The following SLCO3A1 variants were observed in gnomAD, a reference collection of about 807,000 sequenced individuals.
The protein encoded by SLCO3A1 is PGE1 transporter.
A neutral mutation model predicts 63.1 loss-of-function variants in SLCO3A1; 27 were observed. That is an observed-to-expected ratio of 0.43 (90% CI 0.32 to 0.59). SLCO3A1 has a LOEUF of 0.59. Ranked by LOEUF, SLCO3A1 falls within the 20% of genes least tolerant of loss-of-function variation. The pLI is 0.09. For missense variants in SLCO3A1, 773 were observed against 945.8 expected (o/e 0.82, Z 2.40); for synonymous variants, 473 against 409.9 (o/e 1.15, Z -1.86).
At chr15:91,987,839 G>A (rs1271065941) in intron 2 of SLCO3A1, among the ~76,000 whole-genome samples, 1 of 151,884 alleles carries the variant, frequency 6.6e-6, no homozygotes, top group African/African-American at 2.4e-5. Context: ...AAGAAAAATA[G>A]CAGTTTTCCT....
At chr15:92,053,684 G>GTTTTTTTTTTT (rs1567092399) in intron 2 of SLCO3A1, among the ~76,000 whole-genome samples, 15 of 14,912 alleles carry the variant, frequency 1.0e-3, no homozygotes, top group Admixed American at 1.6e-3. Context: ...TTGTTTTTTT[G>GTTTTTTTTTTT]TTTGTTTGTT....
intron 7 of SLCO3A1, among the ~76,000 whole-genome samples, chr15:92,146,213 C>T (rs963228384): frequency 1.3e-5 from 2 of 152,214 alleles, no homozygotes; most frequent in African/African-American, 4.8e-5. Context: ...CTGCTCCTCC[C>T]TTTGCCATCA....
At chr15:92,011,616 G>C (rs1567065446) in intron 2 of SLCO3A1, among the ~76,000 whole-genome samples, 2 of 152,132 alleles carry the variant, frequency 1.3e-5, no homozygotes. Context: ...CTCATTCCTT[G>C]CTTTTTAACC....
intron 2 of SLCO3A1, among the ~76,000 whole-genome samples, chr15:92,094,010 G>T (rs1243345273): frequency 1.3e-5 from 2 of 152,164 alleles, no homozygotes; most frequent in Non-Finnish European, 1.5e-5. Context: ...CCACTTTCTG[G>T]ACTCTTATTT....
chr15:92,144,046 C>A (rs997401360), intron 7 of SLCO3A1, among the ~76,000 whole-genome samples: 2 of 152,216 alleles, frequency 1.3e-5, no homozygotes, highest in Non-Finnish European at 2.9e-5. Context: ...AGTGCTGGGA[C>A]AGGTCGGCGC....
intron 9 of SLCO3A1, among the ~76,000 whole-genome samples, chr15:92,161,242 C>T (rs2151603271): frequency 6.6e-6 from 1 of 152,312 alleles, no homozygotes; most frequent in East Asian, 1.9e-4. Flanking sequence ...ACTCATCTGT[C>T]ACTTTCCCAT....
At chr15:91,943,812 T>C (rs1273077153) in intron 2 of SLCO3A1, among the ~76,000 whole-genome samples, 1 of 152,160 alleles carries the variant, frequency 6.6e-6, no homozygotes, top group East Asian at 1.9e-4. Context: ...GATTTGGGCA[T>C]CGCTGGCTTC....
chr15:91,964,694 G>A (rs981115058), intron 2 of SLCO3A1, among the ~76,000 whole-genome samples: 1 of 151,996 alleles, frequency 6.6e-6, no homozygotes, highest in African/African-American at 2.4e-5. Flanking sequence ...GCAGTGTGTT[G>A]GGAAGAAGCA....
At chr15:91,943,556 A>G (rs1899695771) in intron 2 of SLCO3A1, among the ~76,000 whole-genome samples, 1 of 152,174 alleles carries the variant, frequency 6.6e-6, no homozygotes, top group East Asian at 1.9e-4. Context: ...TAGGTGTGCA[A>G]AATGTCTTTT....
At position 91,912,191 on chromosome 15, in the gene SLCO3A1, A is replaced by G. The variant is rs1415922690; in HGVS notation, c.181-3802A>G. On this transcript the variant is annotated intron_variant, in intron 1 of 9. Coordinates refer to ENST00000318445, the MANE Select transcript of SLCO3A1 (RefSeq NM_013272.4). The surrounding 1 kb of genome is among the most constrained non-coding windows in gnomAD (Gnocchi z 5.0). ...CATTCCCTTCCACATGCTCTTCCTC[A>G]GGCTGGGTTGTTCACTGCCACATAA... 2.6e-5 allele frequency among the ~76,000 whole-genome samples: 4 copies of G among 152,134 alleles called. No homozygotes were observed. Among genetic ancestry groups the G allele is most frequent in the Admixed American group, 1.3e-4 (2 of 15,266 alleles).
chr15:92,041,572 C>T (rs908294292), intron 2 of SLCO3A1, among the ~76,000 whole-genome samples: 5 of 152,128 alleles, frequency 3.3e-5, no homozygotes, highest in Non-Finnish European at 7.4e-5. Flanking sequence ...CTCTTCAACC[C>T]GTACATTTTA....
At chr15:92,109,970 C>T (rs988902883) in intron 4 of SLCO3A1, among the ~76,000 whole-genome samples, 5 of 152,048 alleles carry the variant, frequency 3.3e-5, no homozygotes, top group Non-Finnish European at 5.9e-5. Context: ...TGCTCTTTCC[C>T]GTTTCCTGTA....
Position 91,975,114 on chromosome 15 carries a change from T to C in SLCO3A1, c.646+58656T>C, listed in dbSNP as rs371514274. 4.9e-4 allele frequency among the ~76,000 whole-genome samples: 74 copies of C among 152,364 alleles called. No individual in the cohort carries two copies. In the South Asian group the frequency reaches 0.015, roughly 31 times the overall value. On this transcript the variant is annotated intron_variant, in intron 2 of 9. Coordinates refer to ENST00000318445, the MANE Select transcript of SLCO3A1 (RefSeq NM_013272.4). ...AGTGCCTGGAATGGTGCCTAGAATA[T>C]AGTAAATTCTCAGAGTTAACCAGTG... is the stretch of plus-strand genomic sequence containing the variant.
At position 92,162,784 on chromosome 15, in the gene SLCO3A1, G is replaced by A. The variant is rs776781799; in HGVS notation, c.1782G>A (p.Gly594=). The change falls in exon 10 of 10, where the codon GGG becomes GGA. Residue 594 remains glycine, a synonymous_variant. Transcript: ENST00000318445. The part of the protein sequence containing the change: ...LGFIPPPLIF[G]AGIDSTCLFW... Reference sequence around the variant, plus strand: ...TCATCCCTCCACCCCTCATCTTCGGGGCTGGCATCGACTCCACCTGCCTGT... The same window carrying A: ...TCATCCCTCCACCCCTCATCTTCGGAGCTGGCATCGACTCCACCTGCCTGT... 2.5e-6 allele frequency: 4 copies of A among 1,613,812 alleles called. No individual in the cohort carries two copies. The highest frequency in any genetic ancestry group is 1.3e-5 in the African/African-American group (1 of 75,016).
At position 91,996,829 on chromosome 15, in the gene SLCO3A1, T is replaced by C. The variant is rs191755870; in HGVS notation, c.646+80371T>C. Among the ~76,000 whole-genome samples, 67 of 152,278 alleles carry C rather than the reference T, an allele frequency of 4.4e-4. No homozygotes were observed. The East Asian group carries it at 6.2e-3, about 14-fold the overall frequency. ...CAGATCCCTACTGCATACCACAGTA[T>C]AAATATATCTAGATGGTTAACATCC... is the stretch of plus-strand genomic sequence containing the variant. On this transcript the variant is annotated intron_variant, in intron 2 of 9. Coordinates refer to ENST00000318445, the MANE Select transcript of SLCO3A1 (RefSeq NM_013272.4).
intron 2 of SLCO3A1, among the ~76,000 whole-genome samples, chr15:91,972,407 C>T (rs1201925654): frequency 1.3e-5 from 2 of 152,018 alleles, no homozygotes; most frequent in Non-Finnish European, 2.9e-5. Flanking sequence ...TAAAAGAGGC[C>T]CCAGAGAGGT....
intron 7 of SLCO3A1, among the ~76,000 whole-genome samples, chr15:92,143,574 C>T (rs1304255326): frequency 1.6e-5 from 2 of 128,892 alleles, no homozygotes; most frequent in African/African-American, 6.0e-5. Context: ...TGGTCTCTGT[C>T]TTCATTAGCT....
At chr15:91,881,731 T>G (rs1412920869) in intron 1 of SLCO3A1, among the ~76,000 whole-genome samples, 3 of 152,164 alleles carry the variant, frequency 2.0e-5, no homozygotes, top group African/African-American at 7.2e-5. Flanking sequence ...GCAAGTCCCC[T>G]GTGGTAAATA....
intron 2 of SLCO3A1, among the ~76,000 whole-genome samples, chr15:91,917,539 C>T (rs1408901568): frequency 1.3e-5 from 2 of 152,084 alleles, no homozygotes; most frequent in African/African-American, 2.4e-5. Flanking sequence ...ATGTTGCACG[C>T]GGATGTTCTG....
Sources: allele counts gnomAD v4.1 joint callset (sites outside exome capture counted in the v4.1 genomes callset), GRCh38; gene constraint gnomAD v4.1.1; non-coding constraint Gnocchi (gnomAD v3.1); transcripts MANE v1.5; gene names NCBI Gene and HGNC (gene_info 2026-07-23, HGNC 2026-07-21).